GPHN: variants seen among roughly 807,000 people sequenced by gnomAD.
GPHN encodes gephyrin.
Under a neutral mutation model 95.5 loss-of-function variants are expected in GPHN, and 17 were observed. That is an observed-to-expected ratio of 0.18 (90% CI 0.12 to 0.27). The LOEUF is 0.27. GPHN is among the 10% of genes least tolerant of loss of function. The pLI, the probability that GPHN is intolerant of heterozygous loss-of-function variation, is 1.00. For synonymous variants in GPHN, 320 were observed against 322.5 expected (o/e 0.99, Z 0.08); for missense variants, 660 against 978.1 (o/e 0.67, Z 4.34).
At chr14:67,563,037 T>C in the GPHN span, 2 of 779,286 alleles carry the variant, frequency 2.6e-6, no homozygotes, top group Non-Finnish European at 4.0e-6. Context: ...ATGGAGCCTG[T>C]GCAGACCACA....
At chr14:67,029,409 C>G (rs2074080075) in intron 10 of GPHN, among the ~76,000 whole-genome samples, 1 of 151,196 alleles carries the variant, frequency 6.6e-6, no homozygotes, top group Non-Finnish European at 1.5e-5. Flanking sequence ...ACAGTCTTGG[C>G]TCACTGCAAC....
chr14:66,824,408 G>T, intron 3 of GPHN, 66 bp from the exon 4 acceptor site: 1 of 782,796 alleles, frequency 1.3e-6, no homozygotes, highest in South Asian at 1.4e-5. Context: ...AGTGTCCTAG[G>T]ACTGGGATGT....
the GPHN span, among the ~76,000 whole-genome samples, chr14:67,367,747 G>A: frequency 6.6e-6 from 1 of 151,926 alleles, no homozygotes; most frequent in Non-Finnish European, 1.5e-5. Context: ...GAGGTAGGGG[G>A]ATGGTTTGAG....
chr14:67,593,101 T>A, the GPHN span, among the ~76,000 whole-genome samples: 1 of 152,216 alleles, frequency 6.6e-6, no homozygotes, highest in Non-Finnish European at 1.5e-5. Flanking sequence ...TCTATTTTTC[T>A]AAGGGAAGGC....
the GPHN span, among the ~76,000 whole-genome samples, chr14:67,556,860 C>G: frequency 6.6e-6 from 1 of 152,170 alleles, no homozygotes; most frequent in African/African-American, 2.4e-5. Flanking sequence ...AAATATGGGT[C>G]AGCACATGGC....
Position 66,845,819 on chromosome 14 carries a change from C to CTGTGTGTGTGTGTG in GPHN, c.294+21281_294+21294dup, listed in dbSNP as rs367997271. ...TTAGGTAATGTGCACATACATGCCT[C>CTGTGTGTGTGTGTG]TGTGTGTGTGTGTGTGTGTGTGTGT... On this transcript the variant is annotated intron_variant, in intron 4 of 22. Transcript: ENST00000478722. 1.5e-3 allele frequency among the ~76,000 whole-genome samples: 211 copies of CTGTGTGTGTGTGTG among 143,394 alleles called. 1 individual carries two copies. Among genetic ancestry groups the CTGTGTGTGTGTGTG allele is most frequent in the African/African-American group, 5.0e-3 (197 of 39,254 alleles). The allele number at this position is 143,394 out of a possible 152,430, so 94.1% of individuals were successfully genotyped here.
At chr14:66,606,585 T>TA (rs1360423855) in intron 1 of GPHN, among the ~76,000 whole-genome samples, 1 of 152,194 alleles carries the variant, frequency 6.6e-6, no homozygotes, top group African/African-American at 2.4e-5. Flanking sequence ...ATTTTAACAA[T>TA]ATTGATTCTT....
the GPHN span, among the ~76,000 whole-genome samples, chr14:67,299,898 T>C: frequency 1.3e-5 from 2 of 152,192 alleles, no homozygotes; most frequent in Admixed American, 6.5e-5. Context: ...ATCCTCAGAG[T>C]TTCTTCAGCT....
At chr14:66,941,709 A>G (rs1021754295) in intron 8 of GPHN, among the ~76,000 whole-genome samples, 2 of 152,062 alleles carry the variant, frequency 1.3e-5, no homozygotes, top group Non-Finnish European at 2.9e-5. Flanking sequence ...TTGTTTCTCC[A>G]ATTGCATCCT....
At chr14:67,360,034 G>A in the GPHN span, 3 of 501,808 alleles carry the variant, frequency 6.0e-6, no homozygotes, top group Non-Finnish European at 1.1e-5. Context: ...AAGACTAGGA[G>A]CGAAGCGTGC....
At chr14:66,813,457 C>A (rs1387184253) in intron 3 of GPHN, among the ~76,000 whole-genome samples, 1 of 152,184 alleles carries the variant, frequency 6.6e-6, no homozygotes, top group Non-Finnish European at 1.5e-5. Context: ...CACCAGGACT[C>A]ATTTTTGAAC....
intron 12 of GPHN, among the ~76,000 whole-genome samples, chr14:67,090,234 G>C (rs1342459630): frequency 6.6e-6 from 1 of 151,892 alleles, no homozygotes; most frequent in South Asian, 2.1e-4. Context: ...CTCTTACTTG[G>C]TTTTGGTTTT....
At position 66,864,772 on chromosome 14, in the gene GPHN, C is replaced by CAA. The variant is rs79443126; in HGVS notation, c.295-15157_295-15156dup. Among the ~76,000 whole-genome samples the CAA allele has an allele frequency of 1.0e-2, 1,446 of 145,078 alleles. 25 individuals are homozygous for CAA. The highest frequency in any genetic ancestry group is 0.033 in the African/African-American group (1,307 of 39,998). On this transcript the variant is annotated intron_variant, in intron 4 of 22. Transcript: ENST00000478722. ...TGGGCAACAGAGCGAGACTCTGTCT[C>CAA]AAAAAAAAAAAGTGGAACTCAGTAT...
the GPHN span, chr14:67,333,613 G>GACTCTAC: frequency 6.6e-6 from 1 of 152,526 alleles, no homozygotes; most frequent in African/African-American, 2.4e-5. Flanking sequence ...TTGTGGATCA[G>GACTCTAC]ACTCTACACT....
chr14:66,915,382 C>G (rs999367354), intron 5 of GPHN, among the ~76,000 whole-genome samples: 2 of 152,106 alleles, frequency 1.3e-5, no homozygotes, highest in Admixed American at 1.3e-4. Flanking sequence ...CTCCAGTCTT[C>G]CACTGCTTTT....
At chr14:67,055,069 T>C (rs1019201919) in intron 10 of GPHN, among the ~76,000 whole-genome samples, 2 of 152,096 alleles carry the variant, frequency 1.3e-5, no homozygotes, top group African/African-American at 4.8e-5. Context: ...TCAAAAGCAA[T>C]TGCAACAAAA....
chr14:67,723,580 A>T, the GPHN span, among the ~76,000 whole-genome samples: 1 of 152,306 alleles, frequency 6.6e-6, no homozygotes, highest in South Asian at 2.1e-4. Context: ...CCTACCAAGG[A>T]CAGTGTTATT....
chr14:66,612,955 C>G (rs1166227411), intron 1 of GPHN, among the ~76,000 whole-genome samples: 3 of 151,958 alleles, frequency 2.0e-5, no homozygotes, highest in Non-Finnish European at 4.4e-5. Flanking sequence ...GGTTTATGGA[C>G]TTTTTGATTA....
the GPHN span, among the ~76,000 whole-genome samples, chr14:67,190,876 C>A: frequency 6.6e-6 from 1 of 152,176 alleles, no homozygotes; most frequent in Non-Finnish European, 1.5e-5. Flanking sequence ...GAATAATTAA[C>A]CTCAAAGCTC....
Sources: gnomAD v4.1 joint callset for allele counts (sites outside exome capture counted in the v4.1 genomes callset) on GRCh38, gnomAD v4.1.1 for gene constraint, MANE v1.5 for transcripts, NCBI Gene and HGNC (gene_info 2026-07-23, HGNC 2026-07-21) for gene names.